The following STAG1 variants were observed in gnomAD, a reference collection of about 807,000 sequenced individuals.
STAG1 encodes the protein cohesin subunit SA-1.
Under a neutral mutation model 170.9 loss-of-function variants are expected in STAG1, and 26 were observed. That is an observed-to-expected ratio of 0.15 (90% CI 0.11 to 0.21). The LOEUF (loss-of-function observed/expected upper bound fraction) is 0.21. Among genes scored for constraint, STAG1 ranks in the 10% least tolerant of loss-of-function variants. The probability of loss-of-function intolerance (pLI) is 1.00; values close to 1 mark genes in which losing one functional copy is unlikely to be tolerated. For synonymous variants in STAG1, 514 were observed against 497.7 expected, an observed-to-expected ratio of 1.03 and a Z score of -0.44; for missense variants, 964 against 1,509.5, an observed-to-expected ratio of 0.64 and a Z score of 5.99.
intron 15 of STAG1, among the ~76,000 whole-genome samples, chr3:136,434,290 A>G (rs1330193536): frequency 6.6e-6 from 1 of 152,170 alleles, no homozygotes; most frequent in Non-Finnish European, 1.5e-5. Flanking sequence ...ATTATTTATT[A>G]TAATTTATAT....
At chr3:136,369,329 C>T (rs1169166921) in intron 23 of STAG1, 47 bp from the exon 24 acceptor site, 1 of 1,442,594 alleles carries the variant, frequency 6.9e-7, no homozygotes, top group Non-Finnish European at 9.3e-7. Context: ...ACAAATATAA[C>T]TACAAGTCAA....
chr3:136,527,022 A>T (rs1454993806), intron 6 of STAG1, among the ~76,000 whole-genome samples: 6 of 152,184 alleles, frequency 3.9e-5, no homozygotes, highest in African/African-American at 1.4e-4. Context: ...GGCTGCCCTT[A>T]ACATTTTTTC....
At chr3:136,513,010 C>A (rs2107889104) in intron 7 of STAG1, among the ~76,000 whole-genome samples, 1 of 152,124 alleles carries the variant, frequency 6.6e-6, no homozygotes, top group Middle Eastern at 3.4e-3. Flanking sequence ...TAATTAATAC[C>A]ATCAACGAAA....
chr3:136,390,847 A>C (rs1046525406), intron 22 of STAG1, among the ~76,000 whole-genome samples: 3 of 152,212 alleles, frequency 2.0e-5, no homozygotes, highest in South Asian at 2.1e-4. Flanking sequence ...GAGAAAAGAA[A>C]GAGCTACAGA....
intron 9 of STAG1, among the ~76,000 whole-genome samples, chr3:136,498,243 T>C (rs796793169): frequency 2.4e-4 from 15 of 63,418 alleles, no homozygotes; most frequent in African/African-American, 7.9e-4. Flanking sequence ...TACACATACA[T>C]ATACATACAC....
At chr3:136,357,885 T>G in intron 27 of STAG1, 37 bp from the exon 28 acceptor site, 1 of 1,555,516 alleles carries the variant, frequency 6.4e-7, no homozygotes, top group Non-Finnish European at 8.7e-7. Flanking sequence ...TTTTTCCAGA[T>G]AGTGTAATTC....
intron 1 of STAG1, among the ~76,000 whole-genome samples, chr3:136,673,863 G>A (rs1179719401): frequency 6.6e-6 from 1 of 151,904 alleles, no homozygotes; most frequent in African/African-American, 2.4e-5. Context: ...AGCACTTTGG[G>A]AGGCCGAGGC....
intron 3 of STAG1, among the ~76,000 whole-genome samples, chr3:136,614,134 T>G (rs2107820181): frequency 6.6e-6 from 1 of 152,286 alleles, no homozygotes; most frequent in East Asian, 1.9e-4. Context: ...GAGAATTGCT[T>G]GAACCCGGGA....
At chr3:136,620,734 T>C (rs1267102614) in intron 3 of STAG1, among the ~76,000 whole-genome samples, 1 of 152,204 alleles carries the variant, frequency 6.6e-6, no homozygotes, top group East Asian at 1.9e-4. Context: ...TGTGAATGTA[T>C]AGACTGAAAT....
intron 1 of STAG1, among the ~76,000 whole-genome samples, chr3:136,697,137 A>G (rs1942917465): frequency 1.3e-5 from 2 of 152,182 alleles, no homozygotes; most frequent in Admixed American, 1.3e-4. Context: ...TTTATTTCTG[A>G]CTTACAATGA....
Position 136,412,205 on chromosome 3 carries a change from T to C in STAG1, c.2196+5680A>G, listed in dbSNP as rs1189353299. 2.6e-5 allele frequency among the ~76,000 whole-genome samples: 4 copies of C among 152,222 alleles called. No individual in the cohort carries two copies. The East Asian group carries it at 7.7e-4, about 29-fold the overall frequency. On this transcript the variant is annotated intron_variant, in intron 21 of 33. Coordinates refer to ENST00000383202, the MANE Select transcript of STAG1 (RefSeq NM_005862.3). The stretch of plus-strand genomic sequence containing the variant: ...AGTCTACAGTGATACCAATTTTTTT[T>C]AAAAGGAATTCAGAACTGTAAAAAG...
chr3:136,416,626 T>C (rs1003620780), intron 21 of STAG1, among the ~76,000 whole-genome samples: 3 of 152,214 alleles, frequency 2.0e-5, no homozygotes, highest in Non-Finnish European at 4.4e-5. Context: ...GAGTGAATTT[T>C]ATTTAGGTTG....
chr3:136,707,773 G>T (rs1172741658), intron 1 of STAG1, among the ~76,000 whole-genome samples: 1 of 152,114 alleles, frequency 6.6e-6, no homozygotes, highest in East Asian at 1.9e-4. Flanking sequence ...ATTCCCTCAA[G>T]AATTAATACA....
At chr3:136,365,482 A>G (rs1937040234) in intron 25 of STAG1, among the ~76,000 whole-genome samples, 1 of 152,144 alleles carries the variant, frequency 6.6e-6, no homozygotes, top group Admixed American at 6.6e-5. Flanking sequence ...TTCCAAAAGG[A>G]AAGAAGGTTA....
At chr3:136,453,731 C>A (rs1227054328) in intron 13 of STAG1, among the ~76,000 whole-genome samples, 5 of 149,800 alleles carry the variant, frequency 3.3e-5, no homozygotes, top group African/African-American at 1.2e-4. Context: ...TAAGTATATA[C>A]TGTTGCTGGT....
In STAG1 at chr3:136,645,456, T is replaced by C. The variant is rs142933919; in HGVS notation, c.-83-14475A>G. On this transcript the variant is annotated intron_variant, in intron 1 of 33. Coordinates refer to ENST00000383202, the MANE Select transcript of STAG1 (RefSeq NM_005862.3). The stretch of plus-strand genomic sequence containing the variant: ...TGCTCATACCACTCTCCATCTCCAT[T>C]TCACCTCCATCACATCACTCTTCCT... Among the ~76,000 whole-genome samples the C allele has an allele frequency of 4.1e-4, 63 of 152,246 alleles. No individual in the cohort carries two copies. The East Asian group carries it at 9.5e-3, about 23-fold the overall frequency.
At chr3:136,705,837 A>G (rs149052955) in intron 1 of STAG1, among the ~76,000 whole-genome samples, 1 of 152,270 alleles carries the variant, frequency 6.6e-6, no homozygotes, top group Non-Finnish European at 1.5e-5. Flanking sequence ...ACAACATATT[A>G]TCAGGCTAAA....
chr3:136,745,001 A>G (rs1314992528), intron 1 of STAG1, among the ~76,000 whole-genome samples: 1 of 152,128 alleles, frequency 6.6e-6, no homozygotes, highest in Non-Finnish European at 1.5e-5. Flanking sequence ...AATAGAAAAG[A>G]TCAGAAAATA....
chr3:136,699,974 T>C (rs1943003493), intron 1 of STAG1, among the ~76,000 whole-genome samples: 1 of 151,962 alleles, frequency 6.6e-6, no homozygotes, highest in Non-Finnish European at 1.5e-5. Context: ...CACATGTACA[T>C]CTGCTTTAAA....
Sources: gnomAD v4.1 joint callset for allele counts (sites outside exome capture counted in the v4.1 genomes callset) on GRCh38, gnomAD v4.1.1 for gene constraint, MANE v1.5 for transcripts, NCBI Gene and HGNC (gene_info 2026-07-23, HGNC 2026-07-21) for gene names.